Variants in RGS6 observed in about 807,000 individuals in gnomAD.
RGS6 encodes the protein regulator of G protein signaling 6.
In RGS6, 30 loss-of-function variants were observed where a neutral mutation model predicts 78.5. That is an observed-to-expected ratio of 0.38 (90% CI 0.29 to 0.52). RGS6 has a LOEUF of 0.52. Ranked by LOEUF, RGS6 falls within the 20% of genes least tolerant of loss-of-function variation. The pLI is 0.85. For missense variants in RGS6, 495 were observed against 609.7 expected (o/e 0.81, Z 1.98); for synonymous variants, 206 against 206.0 (o/e 1.00, Z 0.00).
intron 3 of RGS6, among the ~76,000 whole-genome samples, chr14:72,418,970 G>C (rs904338104): frequency 1.3e-5 from 2 of 152,202 alleles, no homozygotes; most frequent in Non-Finnish European, 2.9e-5. Flanking sequence ...TGCACTAAAG[G>C]CTTTTGCCAA....
At chr14:72,149,144 C>G (rs1191712990) in intron 2 of RGS6, among the ~76,000 whole-genome samples, 1 of 152,168 alleles carries the variant, frequency 6.6e-6, no homozygotes, top group Non-Finnish European at 1.5e-5. Context: ...AGCACCTACT[C>G]GTGTCCTTTA....
At chr14:72,548,631 G>C (rs2097448391) in intron 17 of RGS6, among the ~76,000 whole-genome samples, 1 of 152,076 alleles carries the variant, frequency 6.6e-6, no homozygotes, top group Non-Finnish European at 1.5e-5. Flanking sequence ...TTAACATCTA[G>C]AGACAATTGA....
At chr14:72,334,081 C>T (rs894288411) in intron 2 of RGS6, among the ~76,000 whole-genome samples, 56 of 152,230 alleles carry the variant, frequency 3.7e-4, no homozygotes, top group African/African-American at 1.3e-3. Context: ...CCAACACCCC[C>T]GAGTCTTCAA....
intron 2 of RGS6, among the ~76,000 whole-genome samples, chr14:72,035,178 G>A (rs2091502327): frequency 6.6e-6 from 1 of 152,134 alleles, no homozygotes; most frequent in Non-Finnish European, 1.5e-5. Context: ...AGGGGGAACT[G>A]CTATATTGCT....
the RGS6 span, chr14:72,612,429 CCTT>C: frequency 1.9e-6 from 1 of 516,268 alleles, no homozygotes. Context: ...GTGTTTCTGT[CCTT>C]TTTTTTTTTC....
chr14:72,413,426 T>C (rs908502231), intron 3 of RGS6, among the ~76,000 whole-genome samples: 3 of 152,174 alleles, frequency 2.0e-5, no homozygotes, highest in African/African-American at 7.2e-5. Flanking sequence ...GCTTGGTAGA[T>C]CTTCCTCCAT....
At chr14:72,437,557 G>A (rs1487701135) in intron 3 of RGS6, among the ~76,000 whole-genome samples, 2 of 152,090 alleles carry the variant, frequency 1.3e-5, no homozygotes, top group Non-Finnish European at 2.9e-5. Flanking sequence ...CTGGGGGCAG[G>A]GGTAGTGATG....
chr14:72,406,732 C>T (rs184112815), intron 3 of RGS6, among the ~76,000 whole-genome samples: 1 of 152,168 alleles, frequency 6.6e-6, no homozygotes, highest in Non-Finnish European at 1.5e-5. Context: ...TAGGTATGTT[C>T]ATCTTAGTAT....
chr14:72,300,741 T>A (rs1483550283), intron 2 of RGS6, among the ~76,000 whole-genome samples: 1 of 152,220 alleles, frequency 6.6e-6, no homozygotes, highest in Non-Finnish European at 1.5e-5. Flanking sequence ...AATGTCCATG[T>A]GCCTGGCATC....
At chr14:72,341,959 T>C (rs765607101) in intron 2 of RGS6, among the ~76,000 whole-genome samples, 2 of 152,166 alleles carry the variant, frequency 1.3e-5, no homozygotes, top group Non-Finnish European at 2.9e-5. Flanking sequence ...TCCAGGACAC[T>C]GGATGGACTT....
At chr14:72,537,435 A>G (rs967386959) in intron 16 of RGS6, 2 of 701,972 alleles carry the variant, frequency 2.8e-6, no homozygotes, top group Non-Finnish European at 5.2e-6. Context: ...GAAAGAGGCC[A>G]TGGAGTCTGA....
chr14:71,987,415 G>A (rs988363661), intron 2 of RGS6, among the ~76,000 whole-genome samples: 4 of 152,162 alleles, frequency 2.6e-5, no homozygotes, highest in African/African-American at 9.7e-5. Context: ...CCATGCCATC[G>A]AGGAGAAGTG....
intron 2 of RGS6, among the ~76,000 whole-genome samples, chr14:71,989,625 C>A (rs1384779474): frequency 6.6e-6 from 1 of 152,166 alleles, no homozygotes; most frequent in Admixed American, 6.5e-5. Flanking sequence ...AGAGCCAGAC[C>A]TCTTGACCTG....
chr14:72,548,097 G>A (rs144017582), intron 17 of RGS6, among the ~76,000 whole-genome samples: 11 of 152,132 alleles, frequency 7.2e-5, no homozygotes, highest in South Asian at 2.1e-4. Context: ...GTATTAATCC[G>A]TCTATGTCCG....
chr14:71,883,870 T>G, the RGS6 span, among the ~76,000 whole-genome samples: 2 of 147,568 alleles, frequency 1.4e-5, no homozygotes, highest in Non-Finnish European at 3.1e-5. Flanking sequence ...GGAAGTATCC[T>G]AGGTTTTGAG....
rs189178927 is a variant in RGS6 at position 72,057,391 on chromosome 14, G to T, written c.84+92516G>T. On this transcript the variant is annotated intron_variant, in intron 2 of 17. Coordinates refer to ENST00000553525, the MANE Select transcript of RGS6 (RefSeq NM_001204424.2). ...TATGTCTACCTATTATGATGTCAAGGGTGTATTCCAGTTTGTATCTGTAGC... is the reference window on the plus strand; with the variant it reads ...TATGTCTACCTATTATGATGTCAAGTGTGTATTCCAGTTTGTATCTGTAGC... Among the ~76,000 whole-genome samples, 360 of 151,196 alleles carry T rather than the reference G, an allele frequency of 2.4e-3. 3 individuals carry two copies. Among genetic ancestry groups the T allele is most frequent in the African/African-American group, 8.4e-3 (346 of 41,060 alleles).
At chr14:72,045,574 G>T (rs568182467) in intron 2 of RGS6, among the ~76,000 whole-genome samples, 1 of 152,226 alleles carries the variant, frequency 6.6e-6, no homozygotes, top group Non-Finnish European at 1.5e-5. Flanking sequence ...TTATTTTACT[G>T]GTGAGGTATG....
intron 2 of RGS6, among the ~76,000 whole-genome samples, chr14:72,002,630 C>A (rs563301368): frequency 6.6e-6 from 1 of 152,016 alleles, no homozygotes; most frequent in South Asian, 2.1e-4. Flanking sequence ...AACCCCTGGG[C>A]TCCTTGGGGA....
At chr14:72,500,605 T>G (rs2096711003) in intron 13 of RGS6, among the ~76,000 whole-genome samples, 1 of 152,246 alleles carries the variant, frequency 6.6e-6, no homozygotes, top group African/African-American at 2.4e-5. Flanking sequence ...TATCTTACCA[T>G]CTGGCACCAG....
Sources: allele counts gnomAD v4.1 joint callset (sites outside exome capture counted in the v4.1 genomes callset), GRCh38; gene constraint gnomAD v4.1.1; transcripts MANE v1.5; gene names NCBI Gene and HGNC (gene_info 2026-07-23, HGNC 2026-07-21).